Variants in ALDH1A3 observed in about 807,000 individuals in gnomAD.
ALDH1A3 encodes the protein retinaldehyde dehydrogenase 3.
A neutral mutation model predicts 57.5 loss-of-function variants in ALDH1A3; 28 were observed. The observed-to-expected ratio is 0.49, with a 90% CI of 0.36 to 0.67. ALDH1A3 has a LOEUF of 0.67. Ranked by LOEUF, ALDH1A3 falls within the 30% of genes least tolerant of loss-of-function variation. The pLI is 0.00. For missense variants in ALDH1A3, 507 were observed against 669.4 expected (o/e 0.76, Z 2.68); for synonymous variants, 281 against 264.8 (o/e 1.06, Z -0.59).
intron 6 of ALDH1A3, 169 bp from the exon 7 acceptor site, chr15:100,895,764 G>A (rs1596126474): frequency 1.6e-6 from 1 of 624,196 alleles, no homozygotes; most frequent in Non-Finnish European, 2.9e-6. Flanking sequence ...AGAAGCCCAG[G>A]TCAGCTCCCA....
chr15:100,915,604 C>A lies in ALDH1A3; in HGVS notation c.*831C>A, dbSNP rs1381724981. 6.6e-6 allele frequency: 1 copy of A among 152,146 alleles called. No individual in the cohort carries two copies. Among genetic ancestry groups the A allele is most frequent in the South Asian group, 2.1e-4 (1 of 4,822 alleles). The allele number at this position is 152,146 out of a possible 1,614,324, so 9.4% of individuals were successfully genotyped here. A position where few individuals can be genotyped will look rare whatever the true frequency, so the allele number is the denominator to read the frequency against. The stretch of plus-strand genomic sequence containing the variant: ...CATAGCAAATCCTAGGATAATTCAC[C>A]TCCTCATTTGACAAATCAGAGCTGT... On this transcript the variant is annotated 3_prime_UTR_variant, in exon 13 of 13. Coordinates refer to ENST00000329841, the MANE Select transcript of ALDH1A3 (RefSeq NM_000693.4).
rs2041674589 is a variant in ALDH1A3 at position 100,893,757 on chromosome 15, A to G, written c.538-197A>G. The stretch of plus-strand genomic sequence containing the variant: ...AGCATCCTCTTTGCAAAGGCTGCCT[A>G]TTAGTACCACCCAGAATGCAGTTTA... On this transcript the variant is annotated intron_variant, in intron 5 of 12. Transcript: ENST00000329841. This position sits in a 1 kb window ranked among gnomAD's most constrained non-coding sequence, Gnocchi z 4.8. The G allele has an allele frequency of 3.2e-6, 2 of 618,670 alleles. No homozygotes were observed. Among genetic ancestry groups the G allele is most frequent in the Non-Finnish European group, 5.3e-6 (2 of 375,952 alleles). The allele number at this position is 618,670 out of a possible 1,614,324, so 38.3% of individuals were successfully genotyped here.
intron 3 of ALDH1A3, among the ~76,000 whole-genome samples, chr15:100,891,657 TC>T (rs1239126155): frequency 6.6e-6 from 1 of 152,202 alleles, no homozygotes; most frequent in African/African-American, 2.4e-5. Context: ...CCTTTTTCAA[TC>T]ACCATCTCAC....
At chr15:100,907,086 A>T (rs765160774) in intron 10 of ALDH1A3, 35 bp from the exon 11 acceptor site, 3 of 1,606,416 alleles carry the variant, frequency 1.9e-6, no homozygotes, top group African/African-American at 1.3e-5. Flanking sequence ...CCATTCAGTC[A>T]TGCCTCTCAT....
chr15:100,892,041 ATCT>A (rs1236549893), intron 3 of ALDH1A3: 4 of 167,336 alleles, frequency 2.4e-5, no homozygotes, highest in African/African-American at 9.6e-5. Context: ...AAGAGCCTAC[ATCT>A]TCTCTTTCTC....
chr15:100,895,102 G>C (rs961279589), intron 6 of ALDH1A3: 2 of 152,146 alleles, frequency 1.3e-5, no homozygotes, highest in African/African-American at 4.8e-5. Context: ...GACCCAGGTT[G>C]AACAAGCAAA....
intron 12 of ALDH1A3, among the ~76,000 whole-genome samples, chr15:100,910,212 C>T (rs992706147): frequency 2.6e-5 from 4 of 152,274 alleles, no homozygotes; most frequent in Admixed American, 6.5e-5. Context: ...GAAGCCTGTC[C>T]ATTAGCCTTC....
rs765072555 is a variant in ALDH1A3, at chr15:100,892,606, G to T, written c.442G>T (p.Ala148Ser). 5 of 1,612,482 alleles carry T rather than the reference G, an allele frequency of 3.1e-6. No homozygotes were observed. Among genetic ancestry groups the T allele is most frequent in the African/African-American group, 1.3e-5 (1 of 74,832 alleles). Residue 148 changes from alanine to serine, a missense_variant, in exon 4 of 13, where the codon GCA becomes TCA. By Grantham distance (99) the Ala-to-Ser change is moderately conservative. Transcript: ENST00000329841. ...AACCCTCAGATACTTTGCAGGGTGG[G>T]CAGACAAAATCCAGGGCAAGACCAT... ...IRTLRYFAGWADKIQGKTIPT... is the reference protein window; with the variant it reads ...IRTLRYFAGWSDKIQGKTIPT...
chr15:100,885,129 T>C (rs2041582821), intron 1 of ALDH1A3, 138 bp from the exon 2 acceptor site: 1 of 645,308 alleles, frequency 1.5e-6, no homozygotes, highest in African/African-American at 1.8e-5. Context: ...GTCTCATCTA[T>C]AAGATGTCGA....
rs140128387 is a variant in ALDH1A3 at position 100,907,273 on chromosome 15, G to T, written c.1386G>T (p.Thr462=). 1.6e-4 allele frequency: 264 copies of T among 1,613,308 alleles called. 1 individual carries two copies. Among genetic ancestry groups the T allele is most frequent in the Non-Finnish European group, 2.2e-4 (259 of 1,179,796 alleles). The change falls in exon 11 of 13, where the codon ACG becomes ACT. Residue 462 remains threonine (T), a synonymous_variant. Transcript: ENST00000329841. The part of the protein sequence containing the change: ...LKLASALESG[T]VWINCYNALY... ...TGGCTTCTGCCTTAGAGTCTGGAAC[G>T]GTCTGGTGAGTTGACTGTGTGTGTA...
chr15:100,907,844 CTTTTTTTT>C (rs71151987), intron 11 of ALDH1A3, among the ~76,000 whole-genome samples: 9 of 81,930 alleles, frequency 1.1e-4, no homozygotes, highest in South Asian at 1.2e-3. Flanking sequence ...TTCTTTCTTT[CTTTTTTTT>C]TTTTTTTTTT....
chr15:100,908,039 G>C (rs2041843088), intron 11 of ALDH1A3, among the ~76,000 whole-genome samples: 1 of 151,696 alleles, frequency 6.6e-6, no homozygotes, highest in Admixed American at 6.6e-5. Context: ...AGTAGAGATG[G>C]GGTTTCACCA....
chr15:100,892,929 T>C lies in ALDH1A3; in HGVS notation c.476-16T>C, dbSNP rs2141555259. 7 of 1,613,698 alleles carry C rather than the reference T, an allele frequency of 4.3e-6. No homozygotes were observed. The highest frequency in any genetic ancestry group is 5.9e-6 in the Non-Finnish European group (7 of 1,179,746). ...TAAGTGAGTGTGTCCTTCCCCACCATGTAACCCTCTTCCAGATGACAACGT... is the reference window on the plus strand; with the variant it reads ...TAAGTGAGTGTGTCCTTCCCCACCACGTAACCCTCTTCCAGATGACAACGT... On this transcript the variant is annotated splice_polypyrimidine_tract_variant and intron_variant, in intron 4 of 12. Coordinates refer to ENST00000329841, the MANE Select transcript of ALDH1A3 (RefSeq NM_000693.4).
At chr15:100,914,048 A>C (rs1470178257) in intron 12 of ALDH1A3, 3 of 152,320 alleles carry the variant, frequency 2.0e-5, no homozygotes, top group Non-Finnish European at 4.4e-5. Flanking sequence ...CAAGATTTAA[A>C]GAAAGGAACT....
chr15:100,915,042 G>A lies in ALDH1A3; in HGVS notation c.*269G>A, dbSNP rs1444444609. The A allele has an allele frequency of 6.5e-6, 3 of 460,884 alleles. No individual in the cohort carries two copies. The highest frequency in any genetic ancestry group is 2.6e-5 in the South Asian group (1 of 38,220). 28.5% of individuals were successfully genotyped at this position (460,884 alleles called of 1,614,324 possible). A position where few individuals can be genotyped will look rare whatever the true frequency, so the allele number is the denominator to read the frequency against. Reference sequence around the variant, plus strand: ...GTGTTTCCCTTTAAACCAGATCCTGGAGACAGTGAGATACTCAGGGCGTTG... The same window carrying A: ...GTGTTTCCCTTTAAACCAGATCCTGAAGACAGTGAGATACTCAGGGCGTTG... On this transcript the variant is annotated 3_prime_UTR_variant, in exon 13 of 13. Coordinates refer to ENST00000329841, the MANE Select transcript of ALDH1A3 (RefSeq NM_000693.4).
At chr15:100,882,294 CTG>C (rs1442678801) in intron 1 of ALDH1A3, among the ~76,000 whole-genome samples, 2 of 152,208 alleles carry the variant, frequency 1.3e-5, no homozygotes, top group African/African-American at 4.8e-5. Context: ...TAGGGTCATG[CTG>C]TGTGATTCTG....
intron 1 of ALDH1A3, among the ~76,000 whole-genome samples, chr15:100,884,565 G>A (rs201567765): frequency 7.1e-6 from 1 of 139,924 alleles, no homozygotes; most frequent in African/African-American, 2.6e-5. Context: ...GTTTTTCTGG[G>A]TTTTTTTTTT....
intron 3 of ALDH1A3, 54 bp from the exon 4 acceptor site, chr15:100,892,456 A>G: frequency 6.2e-7 from 1 of 1,608,464 alleles, no homozygotes; most frequent in South Asian, 1.1e-5. Context: ...ACAACCTGAC[A>G]GTGCAAAAGA....
At position 100,905,541 on chromosome 15, in the gene ALDH1A3, G is replaced by A. The variant is rs141839784; in HGVS notation, c.1087G>A (p.Asp363Asn). The change falls in exon 10 of 13, where the codon GAC (aspartate) becomes AAC (asparagine). Residue 363 changes from aspartate to asparagine, a missense_variant. By Grantham distance (23) the Asp-to-Asn change is conservative. Coordinates refer to ENST00000329841, the MANE Select transcript of ALDH1A3 (RefSeq NM_000693.4). ...CTTGCAGATTGATCAAAAGCAGTTC[G>A]ACAAAATCTTAGAGCTGATCGAGAG... ...QGPQIDQKQF[D>N]KILELIESGK... The A allele has an allele frequency of 2.5e-5, 41 of 1,614,068 alleles. 1 individual carries two copies. Among genetic ancestry groups the A allele is most frequent in the African/African-American group, 1.9e-4 (14 of 74,934 alleles).
Sources: gnomAD v4.1 joint callset for allele counts (sites outside exome capture counted in the v4.1 genomes callset) on GRCh38, gnomAD v4.1.1 for gene constraint, Gnocchi (gnomAD v3.1) non-coding constraint, MANE v1.5 for transcripts, NCBI Gene and HGNC (gene_info 2026-07-23, HGNC 2026-07-21) for gene names.